The following COL28A1 variants were observed in gnomAD, a reference collection of about 807,000 sequenced individuals.
COL28A1 encodes the protein collagen type XXVIII alpha 1 chain, also known as collagen alpha-1(XXVIII) chain.
In COL28A1, 161 loss-of-function variants were observed where a neutral mutation model predicts 150.2. That is an observed-to-expected ratio of 1.07 (90% CI 0.94 to 1.22). The LOEUF is 1.22. Ranked by LOEUF, COL28A1 falls within the 50% of genes most tolerant of loss-of-function variation. COL28A1 has a pLI of 0.00. For synonymous variants in COL28A1, 552 were observed against 469.7 expected, an observed-to-expected ratio of 1.18 and a Z score of -2.26; for missense variants, 1,617 against 1,388.3, an observed-to-expected ratio of 1.16 and a Z score of -2.62.
Position 7,437,410 on chromosome 7 carries a change from C to G in COL28A1, c.1775G>C (p.Gly592Ala), listed in dbSNP as rs536160429. The G allele has an allele frequency of 6.2e-7, 1 of 1,613,292 alleles. No individual in the cohort carries two copies. The highest frequency in any genetic ancestry group is 2.2e-5 in the East Asian group (1 of 44,862). The change falls in exon 22 of 35, where the codon GGA becomes GCA. Residue 592 changes from glycine (G) to alanine (A), a missense_variant. Transcript: ENST00000399429. ...PFGMPGTSIPGPPGPKGDRGG... is the reference protein window; with the variant it reads ...PFGMPGTSIPAPPGPKGDRGG... ...AATATATACCTTTGGCCCAGGTGGT[C>G]CAGGAATTGATGTTCCAGGCATTCC...
chr7:7,401,868 C>T (rs748706669), intron 27 of COL28A1, among the ~76,000 whole-genome samples: 3 of 152,162 alleles, frequency 2.0e-5, no homozygotes, highest in African/African-American at 4.8e-5. Context: ...TTGTCACTGA[C>T]GTTCCTCAAA....
At chr7:7,415,188 G>C (rs1583319339) in intron 27 of COL28A1, among the ~76,000 whole-genome samples, 1 of 152,168 alleles carries the variant, frequency 6.6e-6, no homozygotes, top group African/African-American at 2.4e-5. Flanking sequence ...CTGTGTTAAA[G>C]GTTAACAGCA....
At chr7:7,388,361 C>T (rs192002157) in intron 27 of COL28A1, among the ~76,000 whole-genome samples, 3,749 of 152,202 alleles carry the variant, frequency 0.025, 161 homozygotes, top group African/African-American at 0.086. Flanking sequence ...TTTATGGCTG[C>T]ATAGTATTCC....
In COL28A1 at chr7:7,358,797, A is replaced by G; in HGVS notation, c.3214T>C (p.Cys1072Arg). ...TTTCCAGGCTTCAAGGCTTCCAAAC[A>G]TCTAGGATCTAGAGTGAGAAAAGGA... is the stretch of plus-strand genomic sequence containing the variant. ...TPVDGAEDPRCLEALKPGNCG... is the reference protein window; with the variant it reads ...TPVDGAEDPRRLEALKPGNCG... Residue 1072 changes from cysteine to arginine, a missense_variant, in exon 35 of 35, where the codon TGT becomes CGT. Coordinates refer to ENST00000399429, the MANE Select transcript of COL28A1 (RefSeq NM_001037763.3). 6.2e-7 allele frequency: 1 copy of G among 1,613,518 alleles called. No homozygotes were observed. Among genetic ancestry groups the G allele is most frequent in the Non-Finnish European group, 8.5e-7 (1 of 1,179,684 alleles).
intron 27 of COL28A1, among the ~76,000 whole-genome samples, chr7:7,390,007 G>A (rs1374885253): frequency 1.3e-5 from 2 of 152,024 alleles, no homozygotes; most frequent in Non-Finnish European, 2.9e-5. Flanking sequence ...TGATTGCCTT[G>A]GCCAGAACTT....
chr7:7,469,779 A>G (rs1159603486), intron 15 of COL28A1, among the ~76,000 whole-genome samples: 405 of 6,920 alleles, frequency 0.059, 32 homozygotes, highest in African/African-American at 0.19. Flanking sequence ...TCAATGGAAC[A>G]GAACAGAGCC....
chr7:7,422,111 T>C (rs548242819), intron 25 of COL28A1, among the ~76,000 whole-genome samples: 65 of 152,360 alleles, frequency 4.3e-4, no homozygotes, highest in Middle Eastern at 3.4e-3. Context: ...TCATACACTT[T>C]GCTACATCTT....
chr7:7,527,901 G>A (rs923862154), intron 3 of COL28A1, among the ~76,000 whole-genome samples: 3 of 152,022 alleles, frequency 2.0e-5, no homozygotes, highest in African/African-American at 7.3e-5. Context: ...GGTAGGCAAG[G>A]GGAACAAACC....
downstream of COL28A1, chr7:7,356,325 C>T (rs1322302728): frequency 1.3e-5 from 2 of 151,982 alleles, no homozygotes. Context: ...ATGGTAAATA[C>T]GAAGTTCAAA....
rs199758459 is a variant in COL28A1, at chr7:7,446,813, C to CA, written c.1510-2325dup. Among the ~76,000 whole-genome samples, 887 of 152,286 alleles carry CA rather than the reference C, an allele frequency of 5.8e-3. 5 individuals carry two copies. The highest frequency in any genetic ancestry group is 0.019 in the African/African-American group (798 of 41,540). On this transcript the variant is annotated intron_variant, in intron 18 of 34. Transcript: ENST00000399429. Reference sequence around the variant, plus strand: ...AAGTTCAGGCATCTCTCTAAGGAGACAAACATGCATCTGGGTGAACCAAGG... The same window carrying CA: ...AAGTTCAGGCATCTCTCTAAGGAGACAAAACATGCATCTGGGTGAACCAAGG...
At chr7:7,461,551 G>A (rs576064364) in intron 15 of COL28A1, among the ~76,000 whole-genome samples, 11 of 152,234 alleles carry the variant, frequency 7.2e-5, no homozygotes, top group Non-Finnish European at 1.5e-4. Flanking sequence ...GGGAGGGCAC[G>A]GTGGGAGTCA....
chr7:7,352,940 A>G (rs543411714), downstream of COL28A1, among the ~76,000 whole-genome samples: 21 of 152,320 alleles, frequency 1.4e-4, 1 homozygote, highest in South Asian at 4.3e-3. Context: ...AGGGAAAGGA[A>G]AAAAATCTCG....
At chr7:7,488,665 A>G (rs1393668068) in intron 13 of COL28A1, among the ~76,000 whole-genome samples, 2 of 152,218 alleles carry the variant, frequency 1.3e-5, no homozygotes, top group African/African-American at 4.8e-5. Context: ...TAACGCAGGT[A>G]TTATCTGTCT....
In COL28A1 at chr7:7,471,593, C is replaced by A. The variant is rs571031277; in HGVS notation, c.1302+3008G>T. Reference sequence around the variant, plus strand: ...ACGCAAGTCAATAAATGTGATACACCACATGAACAGAATAAAACAGGCTGG... The same window carrying A: ...ACGCAAGTCAATAAATGTGATACACAACATGAACAGAATAAAACAGGCTGG... On this transcript the variant is annotated intron_variant, in intron 15 of 34. Transcript: ENST00000399429. 3.3e-5 allele frequency among the ~76,000 whole-genome samples: 5 copies of A among 152,214 alleles called. No individual in the cohort carries two copies. The East Asian group carries it at 7.7e-4, about 24-fold the overall frequency.
At chr7:7,442,267 C>T (rs1480776017) in intron 20 of COL28A1, among the ~76,000 whole-genome samples, 2 of 152,170 alleles carry the variant, frequency 1.3e-5, no homozygotes, top group Non-Finnish European at 2.9e-5. Context: ...CCCTAACATG[C>T]TACCATTCTG....
chr7:7,522,059 A>C (rs1039909395), intron 4 of COL28A1, 98 bp from the exon 5 acceptor site: 4 of 763,034 alleles, frequency 5.2e-6, no homozygotes, highest in Non-Finnish European at 9.4e-6. Flanking sequence ...AGTGTATTTC[A>C]AATAAATTTC....
intron 13 of COL28A1, among the ~76,000 whole-genome samples, chr7:7,486,860 T>G (rs912800879): frequency 6.6e-6 from 1 of 152,206 alleles, no homozygotes; most frequent in Non-Finnish European, 1.5e-5. Context: ...TGTTAAGAAT[T>G]TTTATGTCTA....
At chr7:7,383,682 G>GTGTATATATATATATATA (rs1554262302) in intron 27 of COL28A1, among the ~76,000 whole-genome samples, 1 of 124,100 alleles carries the variant, frequency 8.1e-6, no homozygotes, top group Non-Finnish European at 1.6e-5. Flanking sequence ...GTGTGTGTGT[G>GTGTATATATATATATATA]TATATATATA....
chr7:7,489,914 C>G (rs1478480784), intron 12 of COL28A1, among the ~76,000 whole-genome samples: 1 of 152,190 alleles, frequency 6.6e-6, no homozygotes, highest in African/African-American at 2.4e-5. Context: ...CCAGCATAAA[C>G]TCCACCTTTC....
Sources: allele counts gnomAD v4.1 joint callset (sites outside exome capture counted in the v4.1 genomes callset), GRCh38; gene constraint gnomAD v4.1.1; transcripts MANE v1.5; gene names NCBI Gene and HGNC (gene_info 2026-07-23, HGNC 2026-07-21).